Variants in EPB41L2 observed in about 807,000 individuals in gnomAD.
EPB41L2 encodes erythrocyte membrane protein band 4.1 like 2, also known as band 4.1-like protein 2.
EPB41L2 carries 43 observed loss-of-function variants against 113.0 expected under a neutral mutation model. That is an observed-to-expected ratio of 0.38 (90% confidence interval 0.30 to 0.49). The LOEUF (loss-of-function observed/expected upper bound fraction) is 0.49, where lower values mean the gene tolerates loss of function less well. Among genes scored for constraint, EPB41L2 ranks in the 20% least tolerant of loss-of-function variants. The pLI is 0.95. For synonymous variants in EPB41L2, 442 were observed against 436.7 expected, an observed-to-expected ratio of 1.01 and a Z score of -0.15; for missense variants, 1,147 against 1,223.4, an observed-to-expected ratio of 0.94 and a Z score of 0.93.
intron 1 of EPB41L2, among the ~76,000 whole-genome samples, chr6:131,041,484 T>C (rs1794451838): frequency 6.6e-6 from 1 of 152,166 alleles, no homozygotes; most frequent in Admixed American, 6.5e-5. Context: ...CTATATTGTA[T>C]CACTTGATAG....
At chr6:130,850,696 T>G (rs987032075) in intron 19 of EPB41L2, among the ~76,000 whole-genome samples, 7 of 152,122 alleles carry the variant, frequency 4.6e-5, no homozygotes, top group Admixed American at 1.3e-4. Context: ...TTATAACCCC[T>G]CTTTTATTAC....
intron 12 of EPB41L2, chr6:130,881,975 G>A (rs1789465027): frequency 6.6e-6 from 1 of 152,142 alleles, no homozygotes; most frequent in Admixed American, 6.5e-5. Flanking sequence ...ACTTACAAAT[G>A]TCAGGAGTAA....
chr6:130,932,738 A>G (rs1807338139), intron 3 of EPB41L2, among the ~76,000 whole-genome samples: 1 of 152,256 alleles, frequency 6.6e-6, no homozygotes, highest in Admixed American at 6.5e-5. Context: ...TCTTTAAGAA[A>G]GAGGACATCT....
chr6:130,862,241 A>G (rs766779234), intron 18 of EPB41L2, among the ~76,000 whole-genome samples: 6 of 152,178 alleles, frequency 3.9e-5, no homozygotes, highest in Non-Finnish European at 7.3e-5. Context: ...CATAAGTAAA[A>G]CCTGAGTACT....
intron 18 of EPB41L2, among the ~76,000 whole-genome samples, chr6:130,860,321 C>G (rs756820978): frequency 3.3e-5 from 5 of 152,192 alleles, no homozygotes; most frequent in Non-Finnish European, 7.3e-5. Context: ...GGGAAGGCAA[C>G]ACATATGAAA....
At chr6:130,847,266 G>A (rs1309283751) in intron 19 of EPB41L2, among the ~76,000 whole-genome samples, 2 of 152,128 alleles carry the variant, frequency 1.3e-5, no homozygotes, top group African/African-American at 4.8e-5. Context: ...TTTCTGGAGA[G>A]CTTTGTCTTG....
chr6:130,900,076 A>C (rs888324962), intron 7 of EPB41L2, among the ~76,000 whole-genome samples: 4 of 152,236 alleles, frequency 2.6e-5, no homozygotes, highest in Admixed American at 1.3e-4. Context: ...CCAACTAAGT[A>C]AACTTTAAGC....
intron 1 of EPB41L2, among the ~76,000 whole-genome samples, chr6:130,965,644 CAAAAAA>C (rs35081059): frequency 7.8e-6 from 1 of 127,896 alleles, no homozygotes; most frequent in Non-Finnish European, 1.7e-5. Context: ...AAACAGTTAT[CAAAAAA>C]AAAAAAAAAA....
intron 1 of EPB41L2, among the ~76,000 whole-genome samples, chr6:131,018,081 G>A (rs1302848323): frequency 6.6e-6 from 1 of 152,170 alleles, no homozygotes; most frequent in Admixed American, 6.5e-5. Context: ...TAAAGGCCTA[G>A]CTAGAACAGA....
chr6:131,042,111 G>A (rs139131673), intron 1 of EPB41L2, among the ~76,000 whole-genome samples: 66 of 152,206 alleles, frequency 4.3e-4, no homozygotes, highest in African/African-American at 1.5e-3. Context: ...GTTGGAAGGC[G>A]GGTACGTGGG....
At chr6:130,940,895 T>C (rs1271646907) in intron 3 of EPB41L2, among the ~76,000 whole-genome samples, 1 of 152,234 alleles carries the variant, frequency 6.6e-6, no homozygotes, top group African/African-American at 2.4e-5. Context: ...AACAATACTT[T>C]ATCAATTTGA....
chr6:131,062,036 C>T (rs1297111538), intron 1 of EPB41L2, among the ~76,000 whole-genome samples: 2 of 152,052 alleles, frequency 1.3e-5, no homozygotes, highest in African/African-American at 4.8e-5. Flanking sequence ...TCTCTCCCAT[C>T]CACCCAGGGA....
intron 16 of EPB41L2, among the ~76,000 whole-genome samples, chr6:130,866,030 T>C (rs1462202806): frequency 1.3e-5 from 2 of 152,266 alleles, no homozygotes; most frequent in African/African-American, 4.8e-5. Context: ...TGGGTAAAAA[T>C]AGATAAACAT....
At chr6:130,845,842 C>A (rs539890265) in intron 19 of EPB41L2, among the ~76,000 whole-genome samples, 12 of 152,168 alleles carry the variant, frequency 7.9e-5, no homozygotes, top group Admixed American at 4.6e-4. Context: ...AGTATGCACA[C>A]GCCATTCCCG....
chr6:130,929,928 G>C (rs1806220090), intron 3 of EPB41L2, among the ~76,000 whole-genome samples: 1 of 150,062 alleles, frequency 6.7e-6, no homozygotes, highest in Admixed American at 6.6e-5. Flanking sequence ...GGTATAAACA[G>C]TAGGAAAGAC....
chr6:130,906,908 A>T (rs1317792970), intron 5 of EPB41L2, among the ~76,000 whole-genome samples: 1 of 152,194 alleles, frequency 6.6e-6, no homozygotes, highest in Non-Finnish European at 1.5e-5. Context: ...CAACAGTTTT[A>T]AAAAGTCTAA....
At chr6:130,851,121 C>A (rs891994885) in intron 19 of EPB41L2, among the ~76,000 whole-genome samples, 1 of 152,202 alleles carries the variant, frequency 6.6e-6, no homozygotes, top group Admixed American at 6.5e-5. Context: ...ATGCAACACA[C>A]CTGATATGCC....
chr6:130,889,920 C>T (rs1792232072), intron 11 of EPB41L2, among the ~76,000 whole-genome samples: 1 of 152,112 alleles, frequency 6.6e-6, no homozygotes, highest in African/African-American at 2.4e-5. Context: ...AATATATATA[C>T]TTAGCAGCTG....
chr6:130,986,013 A>G (rs956125131), intron 1 of EPB41L2, among the ~76,000 whole-genome samples: 1 of 152,214 alleles, frequency 6.6e-6, no homozygotes, highest in African/African-American at 2.4e-5. Flanking sequence ...AAACCACCAC[A>G]AGAAAAGTAA....
Sources: gnomAD v4.1 joint callset for allele counts (sites outside exome capture counted in the v4.1 genomes callset) on GRCh38, gnomAD v4.1.1 for gene constraint, MANE v1.5 for transcripts, NCBI Gene and HGNC (gene_info 2026-07-23, HGNC 2026-07-21) for gene names.